Variants in CLVS1 observed in about 807,000 individuals in gnomAD.
The protein encoded by CLVS1 is clavesin-1.
Under a neutral mutation model 33.1 loss-of-function variants are expected in CLVS1, and 10 were observed. The observed-to-expected ratio is 0.30, with a 90% CI of 0.19 to 0.51. The LOEUF is 0.51. Among genes scored for constraint, CLVS1 ranks in the 20% least tolerant of loss-of-function variants. The probability of loss-of-function intolerance (pLI) is 0.97; values close to 1 mark genes in which losing one functional copy is unlikely to be tolerated. For missense variants in CLVS1, 343 were observed against 433.4 expected (o/e 0.79, Z 1.85); for synonymous variants, 163 against 166.1 (o/e 0.98, Z 0.14).
At chr8:61,358,782 G>A (rs1021559348) in intron 2 of CLVS1, among the ~76,000 whole-genome samples, 17 of 152,124 alleles carry the variant, frequency 1.1e-4, no homozygotes, top group Non-Finnish European at 2.5e-4. Context: ...GCTGGGTGTT[G>A]GATACATCAG....
intron 3 of CLVS1, 21 bp from the exon 4 acceptor site, chr8:61,454,120 A>G: frequency 6.4e-7 from 1 of 1,559,130 alleles, no homozygotes; most frequent in Non-Finnish European, 8.8e-7. Flanking sequence ...ATCGGTGTGC[A>G]TTTCTCTCTT....
chr8:61,321,874 C>T (rs1247080700), intron 2 of CLVS1, among the ~76,000 whole-genome samples: 1 of 152,160 alleles, frequency 6.6e-6, no homozygotes. Flanking sequence ...CTCAGTGAGA[C>T]TTACCTTGAC....
At chr8:61,339,245 G>A (rs1489026067) in intron 2 of CLVS1, among the ~76,000 whole-genome samples, 2 of 152,062 alleles carry the variant, frequency 1.3e-5, no homozygotes, top group African/African-American at 2.4e-5. Context: ...ACACATATCC[G>A]ACCCCTTGCC....
the CLVS1 span, among the ~76,000 whole-genome samples, chr8:60,978,762 C>T: frequency 6.8e-6 from 1 of 147,044 alleles, no homozygotes; most frequent in Non-Finnish European, 1.5e-5. Flanking sequence ...TTGCAGTGAG[C>T]CCAGACCACT....
chr8:61,176,559 A>G (rs1807115820), intron 2 of CLVS1, among the ~76,000 whole-genome samples: 2 of 152,198 alleles, frequency 1.3e-5, no homozygotes, highest in Admixed American at 6.5e-5. Flanking sequence ...ATGGCTGACT[A>G]GAAGCAGTGG....
In CLVS1 at chr8:61,253,951, C is replaced by T. The variant is rs200456423; in HGVS notation, c.-151-45726C>T. On this transcript the variant is annotated intron_variant, in intron 2 of 2. Coordinates refer to the CLVS1 transcript ENST00000522621. ...AGTCATTCTCCATCCAGCTTTGTTC[C>T]GTTGCTGGTGAGGAGCTGCATTCCT... 1.5e-4 allele frequency among the ~76,000 whole-genome samples: 23 copies of T among 152,306 alleles called. No individual in the cohort carries two copies. In the East Asian group the frequency reaches 4.0e-3, roughly 27 times the overall value.
chr8:61,254,862 A>C (rs1809040665), intron 2 of CLVS1, among the ~76,000 whole-genome samples: 1 of 152,070 alleles, frequency 6.6e-6, no homozygotes, highest in South Asian at 2.1e-4. Context: ...AACCCCTTGA[A>C]CTTCCCGGGT....
In CLVS1 at chr8:61,095,434, G is replaced by A. The variant is rs539893255; in HGVS notation, c.-242-36336G>A. On this transcript the variant is annotated intron_variant, in intron 1 of 2. Coordinates refer to the CLVS1 transcript ENST00000522621. ...CCAAACGTTGAGACCATGGGTGAGA[G>A]GTGAGGGACTGGGGCAGGAAAGTCC... Among the ~76,000 whole-genome samples, 13 of 152,238 alleles carry A rather than the reference G, an allele frequency of 8.5e-5. No individual in the cohort carries two copies. In the South Asian group the frequency reaches 2.7e-3, roughly 32 times the overall value.
At chr8:61,133,274 C>T (rs1472556034) in intron 2 of CLVS1, among the ~76,000 whole-genome samples, 2 of 151,994 alleles carry the variant, frequency 1.3e-5, no homozygotes, top group East Asian at 3.9e-4. Flanking sequence ...ACGAGGGGGT[C>T]GTCAATTCTG....
intron 1 of CLVS1, among the ~76,000 whole-genome samples, chr8:61,058,827 G>A (rs1804527026): frequency 1.3e-5 from 2 of 151,644 alleles, no homozygotes; most frequent in Non-Finnish European, 2.9e-5. Context: ...TCTTTCAGTT[G>A]GTGTAATTAT....
At chr8:61,430,255 G>A (rs1051057308) in intron 3 of CLVS1, among the ~76,000 whole-genome samples, 14 of 152,052 alleles carry the variant, frequency 9.2e-5, no homozygotes, top group African/African-American at 2.9e-4. Context: ...CAGATGCATC[G>A]GTTCTCTAGA....
At chr8:61,118,219 T>G (rs7812687) in intron 1 of CLVS1, among the ~76,000 whole-genome samples, 6,997 of 152,144 alleles carry the variant, frequency 0.046, 259 homozygotes, top group African/African-American at 0.1. Context: ...GGTGGTGATA[T>G]CCCCTTTATC....
intron 1 of CLVS1, among the ~76,000 whole-genome samples, chr8:61,121,676 C>T (rs1383142904): frequency 6.6e-6 from 1 of 152,166 alleles, no homozygotes; most frequent in East Asian, 1.9e-4. Context: ...AAGAGAGATG[C>T]TGAACATTTC....
rs114657170 is a variant in CLVS1, at chr8:61,109,028, T to A, written c.-242-22742T>A. On this transcript the variant is annotated intron_variant, in intron 1 of 2. Coordinates refer to the CLVS1 transcript ENST00000522621. ...CCATCCCCGTTGGGATTCACATATA[T>A]AATTTTCTACTTGGAGTTTCTCACA... is the stretch of plus-strand genomic sequence containing the variant. Among the ~76,000 whole-genome samples the A allele has an allele frequency of 8.1e-3, 1,239 of 152,242 alleles. 12 individuals are homozygous for A. The highest frequency in any genetic ancestry group is 0.028 in the African/African-American group (1,173 of 41,532).
chr8:61,385,987 A>G lies in CLVS1; in HGVS notation c.630+9208A>G, dbSNP rs28561394. Among the ~76,000 whole-genome samples the G allele has an allele frequency of 3.1e-3, 470 of 152,312 alleles. 7 individuals carry two copies. The highest frequency in any genetic ancestry group is 0.011 in the African/African-American group (440 of 41,578). On this transcript the variant is annotated intron_variant, in intron 3 of 5. Transcript: ENST00000325897. ...GAGGGACTTTTTTGTTGCATTTTTT[A>G]ACTTACTGTCCAATACATCACCCGG...
intron 2 of CLVS1, among the ~76,000 whole-genome samples, chr8:61,185,487 G>A (rs1238924092): frequency 1.3e-5 from 2 of 151,856 alleles, no homozygotes; most frequent in Non-Finnish European, 1.5e-5. Flanking sequence ...ACTGTATCAC[G>A]TCTTACAAAT....
chr8:61,160,324 T>C (rs572520630), intron 2 of CLVS1, among the ~76,000 whole-genome samples: 1 of 152,374 alleles, frequency 6.6e-6, no homozygotes, highest in South Asian at 2.1e-4. Context: ...CATTTGCTTG[T>C]TTAGCTTTTC....
At chr8:61,332,828 T>C (rs1391907771) in intron 2 of CLVS1, among the ~76,000 whole-genome samples, 1 of 152,012 alleles carries the variant, frequency 6.6e-6, no homozygotes, top group Non-Finnish European at 1.5e-5. Flanking sequence ...AAAGACGGTG[T>C]TTCACCATAT....
At chr8:60,988,572 T>C in the CLVS1 span, among the ~76,000 whole-genome samples, 1 of 152,166 alleles carries the variant, frequency 6.6e-6, no homozygotes, top group African/African-American at 2.4e-5. Context: ...GCCAGAGCAA[T>C]AAAATTTATT....
Sources: gnomAD v4.1 joint callset for allele counts (sites outside exome capture counted in the v4.1 genomes callset) on GRCh38, gnomAD v4.1.1 for gene constraint, MANE v1.5 for transcripts, NCBI Gene and HGNC (gene_info 2026-07-23, HGNC 2026-07-21) for gene names.